The following SPIN1 variants were observed in gnomAD, a reference collection of about 807,000 sequenced individuals.
The protein encoded by SPIN1 is spindlin 1.
A neutral mutation model predicts 26.0 loss-of-function variants in SPIN1; 3 were observed. The ratio of observed to expected loss-of-function variants is 0.12; its 90% CI spans 0.05 to 0.30. The LOEUF (loss-of-function observed/expected upper bound fraction) is 0.30, where lower values mean the gene tolerates loss of function less well. Among genes scored for constraint, SPIN1 ranks in the 10% least tolerant of loss-of-function variants. The pLI is 1.00. For missense variants in SPIN1, 126 were observed against 333.4 expected (o/e 0.38, Z 4.84); for synonymous variants, 101 against 116.5 (o/e 0.87, Z 0.86).
At chr9:88,400,603 T>C (rs1317148856) in intron 1 of SPIN1, among the ~76,000 whole-genome samples, 2 of 152,198 alleles carry the variant, frequency 1.3e-5, no homozygotes, top group African/African-American at 2.4e-5. Flanking sequence ...CCCAGCACTT[T>C]GGGAGGCCAA....
rs961986478 is a variant in SPIN1 at position 88,475,937 on chromosome 9, C to G, written c.*660C>G. 6.6e-6 allele frequency: 1 copy of G among 151,976 alleles called. No homozygotes were observed. The highest frequency in any genetic ancestry group is 2.4e-5 in the African/African-American group (1 of 41,382). The allele number at this position is 151,976 out of a possible 1,614,324, so 9.4% of individuals were successfully genotyped here. ...GTTTAAAAAAAAAAAATCAGAAGTT[C>G]AGAGCACCTTTTCAATCTGGAGCCC... On this transcript the variant is annotated 3_prime_UTR_variant, in exon 6 of 6. Coordinates refer to ENST00000375859, the MANE Select transcript of SPIN1 (RefSeq NM_006717.3).
chr9:88,401,584 A>G (rs1428528957), intron 1 of SPIN1, among the ~76,000 whole-genome samples: 1 of 152,224 alleles, frequency 6.6e-6, no homozygotes, highest in Non-Finnish European at 1.5e-5. Context: ...TAAATGCTAT[A>G]CAAATAGTTA....
intron 2 of SPIN1, among the ~76,000 whole-genome samples, chr9:88,429,594 A>G (rs1300318257): frequency 6.6e-6 from 1 of 152,224 alleles, no homozygotes; most frequent in Non-Finnish European, 1.5e-5. Context: ...AGGGCAAGGC[A>G]TGCAGGAAGG....
At chr9:88,401,444 C>T (rs546709791) in intron 1 of SPIN1, among the ~76,000 whole-genome samples, 31 of 152,232 alleles carry the variant, frequency 2.0e-4, no homozygotes, top group African/African-American at 7.2e-4. Context: ...GCCTGCACCC[C>T]ACCCCATGGA....
intron 5 of SPIN1, among the ~76,000 whole-genome samples, chr9:88,470,132 C>T (rs1236594290): frequency 1.3e-5 from 2 of 152,200 alleles, no homozygotes; most frequent in African/African-American, 2.4e-5. Context: ...CACGCTGTAG[C>T]ATATATCAGT....
intron 1 of SPIN1, among the ~76,000 whole-genome samples, chr9:88,409,611 G>A (rs1160974420): frequency 3.3e-5 from 5 of 151,680 alleles, no homozygotes; most frequent in Non-Finnish European, 4.4e-5. Flanking sequence ...CGAGGCGGGC[G>A]GATCACGAGG....
Position 88,472,062 on chromosome 9 carries a change from G to C in SPIN1, c.590-3016G>C, listed in dbSNP as rs538335326. On this transcript the variant is annotated intron_variant, in intron 5 of 5. Transcript: ENST00000375859. Reference sequence around the variant, plus strand: ...GATCTGCCCACCTCAGTCTTCCAAAGTGCTGGGATTACAGGTGTAAGCCAC... The same window carrying C: ...GATCTGCCCACCTCAGTCTTCCAAACTGCTGGGATTACAGGTGTAAGCCAC... Among the ~76,000 whole-genome samples the C allele has an allele frequency of 3.3e-5, 5 of 152,194 alleles. No homozygotes were observed. In the South Asian group the frequency reaches 8.3e-4, roughly 25 times the overall value.
chr9:88,435,826 ATCAC>A (rs1299530268), intron 2 of SPIN1, among the ~76,000 whole-genome samples: 2 of 152,150 alleles, frequency 1.3e-5, no homozygotes, highest in African/African-American at 2.4e-5. Context: ...GTCAGCCTAT[ATCAC>A]ATAAGTCTTG....
chr9:88,424,269 G>C (rs182067683), intron 1 of SPIN1, among the ~76,000 whole-genome samples: 2 of 152,250 alleles, frequency 1.3e-5, no homozygotes, highest in Admixed American at 1.3e-4. Context: ...CTTTGCTTCT[G>C]TTTTCCTAGC....
rs1248778484 is a variant in SPIN1, at chr9:88,448,995, C to G, written c.101+6C>G. On this transcript the variant is annotated splice_donor_region_variant and intron_variant, in intron 3 of 5. Coordinates refer to ENST00000375859, the MANE Select transcript of SPIN1 (RefSeq NM_006717.3). ...AAGAAGAGGACATCCCACAAGTAAG[C>G]AGTTCTGAAACTGGTTCTAGATAGT... is the stretch of plus-strand genomic sequence containing the variant. 7 of 1,612,348 alleles carry G rather than the reference C, an allele frequency of 4.3e-6. No homozygotes were observed. In the East Asian group the frequency reaches 1.6e-4, roughly 36 times the overall value.
intron 5 of SPIN1, among the ~76,000 whole-genome samples, chr9:88,474,806 G>A (rs1273570572): frequency 6.6e-6 from 1 of 152,142 alleles, no homozygotes; most frequent in Non-Finnish European, 1.5e-5. Flanking sequence ...AGCCACATCT[G>A]TTTATATACA....
intron 1 of SPIN1, among the ~76,000 whole-genome samples, chr9:88,409,270 C>T (rs1827386405): frequency 6.6e-6 from 1 of 151,942 alleles, no homozygotes; most frequent in South Asian, 2.1e-4. Flanking sequence ...GCTGGGATTA[C>T]AGGCGTGAGC....
chr9:88,419,244 TC>T (rs1827628505), intron 1 of SPIN1, among the ~76,000 whole-genome samples: 1 of 152,174 alleles, frequency 6.6e-6, no homozygotes, highest in Non-Finnish European at 1.5e-5. Flanking sequence ...TGACTCATTC[TC>T]CACCCTGACT....
At chr9:88,444,583 G>A (rs1428123712) in intron 2 of SPIN1, among the ~76,000 whole-genome samples, 1 of 151,622 alleles carries the variant, frequency 6.6e-6, no homozygotes, top group Non-Finnish European at 1.5e-5. Context: ...CCTTGGAGAT[G>A]CCAATTCTTT....
At chr9:88,452,729 C>T (rs1828378202) in intron 3 of SPIN1, among the ~76,000 whole-genome samples, 1 of 152,200 alleles carries the variant, frequency 6.6e-6, no homozygotes, top group Non-Finnish European at 1.5e-5. Context: ...AGTGACAGTA[C>T]TTGGCATGGA....
chr9:88,411,507 C>T (rs1827442133), intron 1 of SPIN1: 2 of 783,242 alleles, frequency 2.6e-6, no homozygotes, highest in Non-Finnish European at 4.2e-6. Flanking sequence ...TCAGCGTCAT[C>T]CATGGGCAGA....
At chr9:88,442,636 C>T (rs541655472) in intron 2 of SPIN1, among the ~76,000 whole-genome samples, 7 of 152,050 alleles carry the variant, frequency 4.6e-5, no homozygotes, top group East Asian at 1.9e-4. Flanking sequence ...CCACCCACCT[C>T]GGCCTCCCAA....
intron 2 of SPIN1, among the ~76,000 whole-genome samples, chr9:88,446,886 A>C (rs140778367): frequency 7.4e-4 from 113 of 152,356 alleles, no homozygotes; most frequent in Admixed American, 2.2e-3. Flanking sequence ...TTTGATGAAG[A>C]AGTGCCTTGG....
chr9:88,470,741 C>T (rs1013660548), intron 5 of SPIN1, among the ~76,000 whole-genome samples: 9 of 152,132 alleles, frequency 5.9e-5, no homozygotes, highest in Non-Finnish European at 1.0e-4. Flanking sequence ...ACTATAGGCG[C>T]GTGCCACCAT....
Sources: gnomAD v4.1 joint callset for allele counts (sites outside exome capture counted in the v4.1 genomes callset) on GRCh38, gnomAD v4.1.1 for gene constraint, MANE v1.5 for transcripts, NCBI Gene and HGNC (gene_info 2026-07-23, HGNC 2026-07-21) for gene names.